Variants in HSF4 observed in about 807,000 individuals in gnomAD.
The protein encoded by HSF4 is heat shock transcription factor 4.
HSF4 carries 41 observed loss-of-function variants against 52.0 expected under a neutral mutation model. The observed-to-expected ratio is 0.79, with a 90% CI of 0.61 to 1.02. The LOEUF is 1.02. HSF4 is among the 50% of genes least tolerant of loss of function. The pLI is 0.00. For synonymous variants in HSF4, 285 were observed against 273.0 expected, an observed-to-expected ratio of 1.04 and a Z score of -0.43; for missense variants, 610 against 651.1, an observed-to-expected ratio of 0.94 and a Z score of 0.69.
chr16:67,169,386 T>C lies in HSF4; in HGVS notation c.1324+38T>C. 1 of 1,599,662 alleles carries C rather than the reference T, an allele frequency of 6.3e-7. No individual in the cohort carries two copies. Among genetic ancestry groups the C allele is most frequent in the Non-Finnish European group, 8.5e-7 (1 of 1,172,840 alleles). On this transcript the variant is annotated intron_variant, in intron 12 of 12. Transcript: ENST00000521374. The surrounding 1 kb of genome is among the most constrained non-coding windows in gnomAD (Gnocchi z 4.3). The stretch of plus-strand genomic sequence containing the variant: ...ATGACTCCTACCTGGGAGGACGCCG[T>C]GATTGGGCTGAGCTACCTTGATTGA...
Position 67,165,488 on chromosome 16 carries a change from C to T in HSF4, c.124-34C>T, listed in dbSNP as rs1321843570. ...GGGCACCGCTCACCCTCCTGGTCTC[C>T]GCCCGCACGGTGGGCGGGCGGCGTT... is the stretch of plus-strand genomic sequence containing the variant. On this transcript the variant is annotated intron_variant, in intron 1 of 12. Transcript: ENST00000521374. The surrounding 1 kb of genome is among the most constrained non-coding windows in gnomAD (Gnocchi z 6.9). 2.5e-6 allele frequency: 4 copies of T among 1,598,894 alleles called. No homozygotes were observed. Among genetic ancestry groups the T allele is most frequent in the Admixed American group, 3.3e-5 (2 of 59,852 alleles).
rs2031547880 is a variant in HSF4, at chr16:67,169,156, G to A, written c.1254+55G>A. The A allele has an allele frequency of 9.4e-6, 15 of 1,603,992 alleles. No individual in the cohort carries two copies. Among genetic ancestry groups the A allele is most frequent in the Non-Finnish European group, 1.3e-5 (15 of 1,174,788 alleles). On this transcript the variant is annotated intron_variant, in intron 11 of 12. Coordinates refer to ENST00000521374, the MANE Select transcript of HSF4 (RefSeq NM_001374675.1). This position sits in a 1 kb window ranked among gnomAD's most constrained non-coding sequence, Gnocchi z 4.3. Reference sequence around the variant, plus strand: ...CAGGGGTGGCTGAGTCAAGCCCTCTGGTCCATAGCTGTTCTCTGTGAGCCA... The same window carrying A: ...CAGGGGTGGCTGAGTCAAGCCCTCTAGTCCATAGCTGTTCTCTGTGAGCCA...
upstream of HSF4, chr16:67,164,091 C>T (rs2031063177): frequency 7.3e-6 from 5 of 687,148 alleles, no homozygotes; most frequent in East Asian, 1.4e-4. Context: ...CTCTGCAGCT[C>T]CGCGGCCCCG....
chr16:67,164,659 G>C, upstream of HSF4: 1 of 724,250 alleles, frequency 1.4e-6, no homozygotes, highest in Middle Eastern at 5.1e-4. Context: ...GCCGCTGTCC[G>C]AGCCCCGCCC....
At chr16:67,164,998 C>G in intron 1 of HSF4, 64 bp downstream of exon 1, 1 of 1,478,564 alleles carries the variant, frequency 6.8e-7, no homozygotes, top group Non-Finnish European at 9.0e-7. Flanking sequence ...AGTGAACACC[C>G]ATGCCCGCCC....
At chr16:67,164,555 C>CCCACCCCACCCCACT (rs755239460), upstream of HSF4, 3 of 482,552 alleles carry the variant, frequency 6.2e-6, no homozygotes, top group Admixed American at 2.3e-5. Context: ...CTCATCTCAC[C>CCCACCCCACCCCACT]CCACCCCACC....
Position 67,165,421 on chromosome 16 carries a change from A to G in HSF4, c.124-101A>G. 9.4e-7 allele frequency: 1 copy of G among 1,067,220 alleles called. No individual in the cohort carries two copies. Among genetic ancestry groups the G allele is most frequent in the Non-Finnish European group, 1.5e-6 (1 of 689,028 alleles). 66.1% of individuals were successfully genotyped at this position (1,067,220 alleles called of 1,614,324 possible). A position where few individuals can be genotyped will look rare whatever the true frequency, so the allele number is the denominator to read the frequency against. ...GGCAGGCCTGGACCCAAGAGTGAGC[A>G]TGAGTGTGTGCGCGCGCTGGAGCGC... On this transcript the variant is annotated intron_variant, in intron 1 of 12. Coordinates refer to ENST00000521374, the MANE Select transcript of HSF4 (RefSeq NM_001374675.1). The surrounding 1 kb of genome is among the most constrained non-coding windows in gnomAD (Gnocchi z 6.9).
rs769683410 is a variant in HSF4, at chr16:67,167,708, T to C, written c.855-12T>C. 1 of 1,611,582 alleles carries C rather than the reference T, an allele frequency of 6.2e-7. No individual in the cohort carries two copies. The highest frequency in any genetic ancestry group is 8.5e-7 in the Non-Finnish European group (1 of 1,179,332). ...AGTGCCAGGGTCTGGTTGAAGCTTT[T>C]CTCTGGTGCAGGGAGAAGGGCCTGG... On this transcript the variant is annotated splice_polypyrimidine_tract_variant and intron_variant, in intron 8 of 12. Coordinates refer to ENST00000521374, the MANE Select transcript of HSF4 (RefSeq NM_001374675.1).
rs747300224 is a variant in HSF4 at position 67,165,751 on chromosome 16, G to A, written c.265G>A (p.Gly89Ser). ...GFRKVVSIEQ[G>S]GLLRPERDHV... ...TCGGAAGGTGGTGAGCATCGAGCAGGGCGGCCTGCTTAGGCCGGAGCGCGA... is the reference window on the plus strand; with the variant it reads ...TCGGAAGGTGGTGAGCATCGAGCAGAGCGGCCTGCTTAGGCCGGAGCGCGA... Residue 89 changes from glycine (G) to serine (S), a missense_variant, in exon 3 of 13, where the codon GGC becomes AGC. Transcript: ENST00000521374. The surrounding 1 kb of genome is among the most constrained non-coding windows in gnomAD (Gnocchi z 6.9). 1.2e-6 allele frequency: 2 copies of A among 1,611,468 alleles called. No homozygotes were observed. The highest frequency in any genetic ancestry group is 1.3e-5 in the African/African-American group (1 of 74,934).
At chr16:67,164,622 C>T, upstream of HSF4, 1 of 602,220 alleles carries the variant, frequency 1.7e-6, no homozygotes, top group Non-Finnish European at 3.0e-6. Flanking sequence ...CCCATCCAGC[C>T]AGCCTTTTCT....
At chr16:67,168,056 C>A in intron 9 of HSF4, 109 bp downstream of exon 9, 1 of 947,030 alleles carries the variant, frequency 1.1e-6, no homozygotes, top group Non-Finnish European at 1.6e-6. Flanking sequence ...TTTCTTGGCC[C>A]CAGCATCAGA....
chr16:67,168,098 G>A, intron 9 of HSF4, 151 bp downstream of exon 9: 1 of 724,050 alleles, frequency 1.4e-6, no homozygotes, highest in South Asian at 1.6e-5. Flanking sequence ...CCCAGTCAGG[G>A]CACTCAGCAT....
rs772020199 is a variant in HSF4, at chr16:67,164,783, C to T, written c.-29C>T. Reference sequence around the variant, plus strand: ...TTGACGAGCCCGCAGCGGCCGGGCCCGAGCGCAGAGCCGGGCCGAGACTGC... The same window carrying T: ...TTGACGAGCCCGCAGCGGCCGGGCCTGAGCGCAGAGCCGGGCCGAGACTGC... On this transcript the variant is annotated 5_prime_UTR_variant, in exon 1 of 13. Coordinates refer to ENST00000521374, the MANE Select transcript of HSF4 (RefSeq NM_001374675.1). 5.1e-6 allele frequency: 8 copies of T among 1,576,656 alleles called. No individual in the cohort carries two copies. Among genetic ancestry groups the T allele is most frequent in the Non-Finnish European group, 6.8e-6 (8 of 1,169,776 alleles).
chr16:67,164,280 C>A, upstream of HSF4: 1 of 400,046 alleles, frequency 2.5e-6, no homozygotes, highest in South Asian at 1.9e-5. Context: ...CCTCAAGAGC[C>A]TCTGGACGAC....
chr16:67,164,630 T>C (rs1434486055), upstream of HSF4: 1 of 597,406 alleles, frequency 1.7e-6, no homozygotes, highest in African/African-American at 1.9e-5. Context: ...GCCAGCCTTT[T>C]CTGCCTGCTG....
In HSF4 at chr16:67,169,528, T is replaced by G; in HGVS notation, c.1325-103T>G. ...CGAGAGTGGGGAGGTTAAGAATGGA[T>G]GTTTTATCCTAACTGAGCAGAAGGC... is the stretch of plus-strand genomic sequence containing the variant. On this transcript the variant is annotated intron_variant, in intron 12 of 12. Transcript: ENST00000521374. This position sits in a 1 kb window ranked among gnomAD's most constrained non-coding sequence, Gnocchi z 4.3. 1 of 1,596,406 alleles carries G rather than the reference T, an allele frequency of 6.3e-7. No individual in the cohort carries two copies. The highest frequency in any genetic ancestry group is 8.5e-7 in the Non-Finnish European group (1 of 1,177,858).
upstream of HSF4, chr16:67,163,859 G>T (rs1038106353): frequency 1.4e-6 from 2 of 1,478,100 alleles, no homozygotes; most frequent in African/African-American, 3.5e-5. Context: ...GGACGTAAGC[G>T]CTCTGAGAGG....
chr16:67,164,033 C>G (rs1222156310), upstream of HSF4: 1 of 733,374 alleles, frequency 1.4e-6, no homozygotes, highest in Non-Finnish European at 2.4e-6. Context: ...CCCACCCGCT[C>G]GGTCCTGGAC....
chr16:67,166,683 C>A, intron 6 of HSF4, 61 bp downstream of exon 6: 1 of 1,466,706 alleles, frequency 6.8e-7, no homozygotes, highest in Non-Finnish European at 9.5e-7. Context: ...AGTCCCCTTG[C>A]AAGGACCCCT....
Sources: gnomAD v4.1 joint callset for allele counts on GRCh38, gnomAD v4.1.1 for gene constraint, Gnocchi (gnomAD v3.1) non-coding constraint, MANE v1.5 for transcripts, NCBI Gene and HGNC (gene_info 2026-07-23, HGNC 2026-07-21) for gene names.